Variants in PACS2 observed in about 807,000 individuals in gnomAD.
PACS2 encodes PACS1-like protein.
A neutral mutation model predicts 113.0 loss-of-function variants in PACS2; 36 were observed. That is an observed-to-expected ratio of 0.32 (90% CI 0.24 to 0.42). The LOEUF (loss-of-function observed/expected upper bound fraction) is 0.42. Ranked by LOEUF, PACS2 falls within the 10% of genes least tolerant of loss-of-function variation. PACS2 has a pLI of 1.00. For missense variants in PACS2, 1,015 were observed against 1,239.5 expected, an observed-to-expected ratio of 0.82 and a Z score of 2.72; for synonymous variants, 589 against 536.1, an observed-to-expected ratio of 1.10 and a Z score of -1.36.
rs1555404168 is a variant in PACS2, at chr14:105,352,383, C to A, written c.213C>A (p.Ser71=). ...SVVIAVKMQG[S]KRILRSHEIV... ...CAGGTCTTGCTTAATCACAGGGCTCCAAACGAATCCTGCGGTCCCATGAGA... is the reference window on the plus strand; with the variant it reads ...CAGGTCTTGCTTAATCACAGGGCTCAAAACGAATCCTGCGGTCCCATGAGA... The change falls in exon 3 of 25, where the codon TCC becomes TCA. Residue 71 remains serine, a synonymous_variant. Transcript: ENST00000447393. 3.1e-6 allele frequency: 5 copies of A among 1,610,392 alleles called. No individual in the cohort carries two copies. In the Admixed American group the frequency reaches 8.3e-5, roughly 27 times the overall value.
At chr14:105,332,784 A>G (rs1030600303) in intron 1 of PACS2, among the ~76,000 whole-genome samples, 1 of 152,134 alleles carries the variant, frequency 6.6e-6, no homozygotes, top group African/African-American at 2.4e-5. Flanking sequence ...TCCTGCCCCC[A>G]GGGGCCAGTA....
chr14:105,318,803 C>T lies in PACS2; in HGVS notation c.119+3766C>T, dbSNP rs1240680372. On this transcript the variant is annotated intron_variant, in intron 1 of 24. Coordinates refer to ENST00000447393, the MANE Select transcript of PACS2 (RefSeq NM_001100913.3). ...CCTCCCGAGTAGCTGGGACTACAGG[C>T]GCCCGCCACCACGCCCGGCTAATTT... Among the ~76,000 whole-genome samples, 20 of 151,864 alleles carry T rather than the reference C, an allele frequency of 1.3e-4. No homozygotes were observed. The South Asian group carries it at 2.3e-3, about 17-fold the overall frequency.
At chr14:105,384,560 GCTCAGC>G in intron 17 of PACS2, 97 bp downstream of exon 17, 1 of 749,162 alleles carries the variant, frequency 1.3e-6, no homozygotes, top group Non-Finnish European at 2.2e-6. Context: ...ACCTGCTCAG[GCTCAGC>G]CTCAGGGAAG....
intron 16 of PACS2, 198 bp downstream of exon 16, chr14:105,383,711 A>G (rs950323934): frequency 1.8e-6 from 1 of 563,254 alleles, no homozygotes; most frequent in Non-Finnish European, 3.1e-6. Context: ...TTGATACAGT[A>G]ACACTTTGTT....
intron 1 of PACS2, among the ~76,000 whole-genome samples, chr14:105,334,045 G>T (rs1210784344): frequency 2.0e-5 from 3 of 152,244 alleles, no homozygotes; most frequent in Non-Finnish European, 4.4e-5. Context: ...GCCTGGGGGT[G>T]GTCGTGGGGT....
At chr14:105,342,887 A>G (rs2059785819) in intron 1 of PACS2, among the ~76,000 whole-genome samples, 1 of 151,022 alleles carries the variant, frequency 6.6e-6, no homozygotes, top group Non-Finnish European at 1.5e-5. Flanking sequence ...GTGAGCCAAG[A>G]TCGCACCACT....
chr14:105,311,155 T>C (rs1489539632), upstream of PACS2, among the ~76,000 whole-genome samples: 1 of 152,188 alleles, frequency 6.6e-6, no homozygotes, highest in Non-Finnish European at 1.5e-5. Flanking sequence ...GGTTTCACTA[T>C]GTTGGCCAGG....
intron 19 of PACS2, among the ~76,000 whole-genome samples, chr14:105,386,468 C>A: frequency 6.6e-6 from 1 of 152,160 alleles, no homozygotes; most frequent in Non-Finnish European, 1.5e-5. Context: ...AGCTCCACCC[C>A]CTACAACCTT....
intron 1 of PACS2, among the ~76,000 whole-genome samples, chr14:105,308,203 C>T (rs1478020865): frequency 6.6e-6 from 1 of 151,566 alleles, no homozygotes; most frequent in South Asian, 2.1e-4. Context: ...ACAATTAGGC[C>T]GGGCACAGTG....
At chr14:105,380,369 C>A (rs1555411638) in intron 11 of PACS2, among the ~76,000 whole-genome samples, 1 of 151,862 alleles carries the variant, frequency 6.6e-6, no homozygotes, top group African/African-American at 2.4e-5. Flanking sequence ...GCCCTGGACT[C>A]ACCCCACCCT....
intron 23 of PACS2, 128 bp downstream of exon 23, chr14:105,392,973 C>G: frequency 1.4e-6 from 1 of 725,614 alleles, no homozygotes; most frequent in East Asian, 2.7e-5. Context: ...CAGGCAGGGG[C>G]GGGTGGGGTG....
intron 1 of PACS2, among the ~76,000 whole-genome samples, chr14:105,341,667 C>G (rs1363912606): frequency 6.6e-6 from 1 of 152,254 alleles, no homozygotes; most frequent in Admixed American, 6.5e-5. Flanking sequence ...TTTATCTGCG[C>G]AGTTTCTGAA....
Position 105,382,478 on chromosome 14 carries a change from T to C in PACS2, c.1415T>C (p.Ile472Thr). The C allele has an allele frequency of 6.3e-7, 1 of 1,582,060 alleles. No homozygotes were observed. The highest frequency in any genetic ancestry group is 8.7e-7 in the Non-Finnish European group (1 of 1,150,970). Residue 472 changes from isoleucine (I) to threonine (T), a missense_variant and splice_region_variant, in exon 14 of 25, where the codon ATC becomes ACC. Around this residue, in one of 3 missense-constraint regions of PACS2, gnomAD observed 859 missense variants for 1,056.8 expected, o/e 0.81. Transcript: ENST00000447393. Reference sequence around the variant, plus strand: ...GTGGACAGGGCTCTGTGCCTCCAGATCCCCAGGAAGACTGTGTATGACCAG... The same window carrying C: ...GTGGACAGGGCTCTGTGCCTCCAGACCCCCAGGAAGACTGTGTATGACCAG... ...ARSQLQVQLQ[I>T]PRKTVYDQLN...
intron 5 of PACS2, 65 bp downstream of exon 5, chr14:105,367,440 C>G (rs1271534132): frequency 3.3e-6 from 5 of 1,501,574 alleles, no homozygotes; most frequent in Non-Finnish European, 4.6e-6. Flanking sequence ...AGCCATGGCA[C>G]ATCGGGTGGC....
chr14:105,393,315 A>G lies in PACS2; in HGVS notation c.2576A>G (p.Gln859Arg), dbSNP rs1204919222. 6.2e-7 allele frequency: 1 copy of G among 1,611,158 alleles called. No individual in the cohort carries two copies. The highest frequency in any genetic ancestry group is 8.5e-7 in the Non-Finnish European group (1 of 1,179,432). ...GISRLICTAR[Q>R]QQNMLRVLID... ...AGCCGGCTCATCTGCACTGCCAGGCAGCAGCAGAACATGCTGCGGGGTGAG... is the reference window on the plus strand; with the variant it reads ...AGCCGGCTCATCTGCACTGCCAGGCGGCAGCAGAACATGCTGCGGGGTGAG... Residue 859 changes from glutamine (Q) to arginine (R), a missense_variant, in exon 24 of 25, where the codon CAG becomes CGG. Around this residue, in one of 3 missense-constraint regions of PACS2, gnomAD observed 859 missense variants for 1,056.8 expected, o/e 0.81. Transcript: ENST00000447393.
intron 9 of PACS2, among the ~76,000 whole-genome samples, chr14:105,377,520 T>C (rs1229625798): frequency 6.6e-6 from 1 of 152,132 alleles, no homozygotes; most frequent in Non-Finnish European, 1.5e-5. Context: ...AGAAGGCAGG[T>C]GCCAGCCTCT....
chr14:105,382,377 G>C, intron 13 of PACS2, 100 bp from the exon 14 acceptor site: 1 of 777,716 alleles, frequency 1.3e-6, no homozygotes, highest in Non-Finnish European at 2.3e-6. Context: ...AGCCTCTGTG[G>C]CTGCAGGGGG....
intron 22 of PACS2, 43 bp downstream of exon 22, chr14:105,391,809 C>T (rs1370118849): frequency 3.9e-6 from 6 of 1,543,612 alleles, no homozygotes; most frequent in Non-Finnish European, 4.4e-6. Context: ...TTACCCGCCC[C>T]ACCACATGCT....
intron 19 of PACS2, among the ~76,000 whole-genome samples, chr14:105,388,086 A>G (rs1555414014): frequency 6.6e-6 from 1 of 152,230 alleles, no homozygotes; most frequent in African/African-American, 2.4e-5. Flanking sequence ...TGAAATGGAC[A>G]AGAAGAGGGG....
Sources: gnomAD v4.1 joint callset for allele counts (sites outside exome capture counted in the v4.1 genomes callset) on GRCh38, gnomAD v4.1.1 for gene constraint, gnomAD v4.1.1 regional missense constraint, MANE v1.5 for transcripts, NCBI Gene and HGNC (gene_info 2026-07-23, HGNC 2026-07-21) for gene names.